Variants in PPARGC1A observed in about 807,000 individuals in gnomAD.
The protein encoded by PPARGC1A is PPARG coactivator 1 alpha.
PPARGC1A carries 25 observed loss-of-function variants against 88.7 expected under a neutral mutation model. The ratio of observed to expected loss-of-function variants is 0.28; its 90% CI spans 0.21 to 0.39. The LOEUF is 0.39. Among genes scored for constraint, PPARGC1A ranks in the 10% least tolerant of loss-of-function variants. The pLI is 1.00. For missense variants in PPARGC1A, 880 were observed against 968.7 expected (o/e 0.91, Z 1.22); for synonymous variants, 363 against 355.6 (o/e 1.02, Z -0.24).
the PPARGC1A span, among the ~76,000 whole-genome samples, chr4:24,383,458 C>T: frequency 3.9e-5 from 6 of 152,030 alleles, no homozygotes; most frequent in Admixed American, 1.3e-4. Flanking sequence ...TAACCCAATG[C>T]AAGGAAGCTA....
intron 1 of PPARGC1A, among the ~76,000 whole-genome samples, chr4:23,896,470 C>T (rs1459153616): frequency 6.6e-6 from 1 of 152,104 alleles, no homozygotes; most frequent in African/African-American, 2.4e-5. Context: ...CCAAGTCCAA[C>T]AGCTGCTCCA....
the PPARGC1A span, among the ~76,000 whole-genome samples, chr4:24,037,310 A>G: frequency 6.6e-6 from 1 of 152,212 alleles, no homozygotes; most frequent in Non-Finnish European, 1.5e-5. Flanking sequence ...TATTACTATT[A>G]TTAGATTCAT....
the PPARGC1A span, among the ~76,000 whole-genome samples, chr4:24,172,873 C>G: frequency 6.6e-6 from 1 of 152,188 alleles, no homozygotes; most frequent in African/African-American, 2.4e-5. Flanking sequence ...AAAGCCTCTT[C>G]AGTTTTTGCC....
At chr4:24,026,666 C>T in the PPARGC1A span, among the ~76,000 whole-genome samples, 3 of 152,140 alleles carry the variant, frequency 2.0e-5, no homozygotes, top group Non-Finnish European at 4.4e-5. Context: ...AGTTTTTAGA[C>T]ACACGCCTCC....
the PPARGC1A span, among the ~76,000 whole-genome samples, chr4:23,920,433 A>C: frequency 6.6e-6 from 1 of 152,286 alleles, no homozygotes; most frequent in African/African-American, 2.4e-5. Context: ...CTGTGGTCAA[A>C]ATTTCAATTT....
the PPARGC1A span, among the ~76,000 whole-genome samples, chr4:24,058,143 G>T: frequency 1.3e-5 from 2 of 152,162 alleles, no homozygotes; most frequent in African/African-American, 4.8e-5. Context: ...CGCCCCAGAG[G>T]GGTGGCCTGG....
At chr4:24,431,323 G>A in the PPARGC1A span, among the ~76,000 whole-genome samples, 1 of 152,106 alleles carries the variant, frequency 6.6e-6, no homozygotes, top group Admixed American at 6.5e-5. Flanking sequence ...AATAGAACAT[G>A]TTTGGGTGAT....
At chr4:24,075,077 A>C in the PPARGC1A span, among the ~76,000 whole-genome samples, 2 of 152,278 alleles carry the variant, frequency 1.3e-5, no homozygotes, top group East Asian at 3.9e-4. Flanking sequence ...TCCCTAGGGG[A>C]GAAGAAAAAT....
chr4:23,837,232 A>G (rs1284178046), intron 2 of PPARGC1A, among the ~76,000 whole-genome samples: 2 of 152,152 alleles, frequency 1.3e-5, no homozygotes, highest in Non-Finnish European at 2.9e-5. Context: ...ATCATTCATT[A>G]ATCAGTTTCA....
At chr4:23,994,779 C>A in the PPARGC1A span, among the ~76,000 whole-genome samples, 362 of 152,182 alleles carry the variant, frequency 2.4e-3, 1 homozygote, top group Non-Finnish European at 4.0e-3. Context: ...GCAGGAAGGA[C>A]CCCAAAGTCC....
At chr4:24,116,907 C>G in the PPARGC1A span, among the ~76,000 whole-genome samples, 28 of 152,168 alleles carry the variant, frequency 1.8e-4, no homozygotes, top group Non-Finnish European at 3.7e-4. Flanking sequence ...TCCTAATAAC[C>G]CTGGGGGAGT....
the PPARGC1A span, among the ~76,000 whole-genome samples, chr4:24,303,060 C>T: frequency 6.6e-6 from 1 of 152,174 alleles, no homozygotes; most frequent in South Asian, 2.1e-4. Flanking sequence ...CTGTGTGGAA[C>T]CACGGCCACC....
rs532554903 is a variant in PPARGC1A at position 23,794,013 on chromosome 4, T to TA, written c.*1808dup. ...AGTATTTATACAGGATGCATAACTG[T>TA]AAAAAATACAGATAAATACCATCGT... On this transcript the variant is annotated 3_prime_UTR_variant, in exon 13 of 13. Transcript: ENST00000264867. 3.9e-5 allele frequency: 6 copies of TA among 152,648 alleles called. No homozygotes were observed. The South Asian group carries it at 8.3e-4, about 21-fold the overall frequency. 9.5% of individuals were successfully genotyped at this position (152,648 alleles called of 1,614,324 possible). A position where few individuals can be genotyped will look rare whatever the true frequency, so the allele number is the denominator to read the frequency against.
At chr4:23,832,931 T>C (rs528603753) in intron 2 of PPARGC1A, among the ~76,000 whole-genome samples, 132 of 141,954 alleles carry the variant, frequency 9.3e-4, no homozygotes, top group South Asian at 3.1e-3. Flanking sequence ...TTATTTCTAA[T>C]AGTGGCTCCT....
the PPARGC1A span, among the ~76,000 whole-genome samples, chr4:23,928,985 T>C: frequency 2.0e-5 from 3 of 151,634 alleles, no homozygotes; most frequent in South Asian, 4.2e-4. Flanking sequence ...GGGGATGCGG[T>C]TGGGGGAGGG....
upstream of PPARGC1A, chr4:23,890,123 G>C (rs1194763631): frequency 1.7e-5 from 22 of 1,313,934 alleles, no homozygotes; most frequent in Non-Finnish European, 2.1e-5. Flanking sequence ...AGGCTGGGCT[G>C]TCACTCACCC....
At chr4:24,360,238 T>C in the PPARGC1A span, among the ~76,000 whole-genome samples, 1 of 152,182 alleles carries the variant, frequency 6.6e-6, no homozygotes, top group Non-Finnish European at 1.5e-5. Context: ...TCCACAAAAC[T>C]GGGGAAATGT....
At chr4:23,890,363 A>C, upstream of PPARGC1A, 1 of 166,982 alleles carries the variant, frequency 6.0e-6, no homozygotes, top group Non-Finnish European at 1.3e-5. Context: ...AATAACCAAA[A>C]TCCCCTGCAA....
the PPARGC1A span, among the ~76,000 whole-genome samples, chr4:23,963,590 A>G: frequency 6.6e-6 from 1 of 152,188 alleles, no homozygotes. Context: ...GTCTTTGTAG[A>G]GATGGAGAAA....
Sources: allele counts gnomAD v4.1 joint callset (sites outside exome capture counted in the v4.1 genomes callset), GRCh38; gene constraint gnomAD v4.1.1; transcripts MANE v1.5; gene names NCBI Gene and HGNC (gene_info 2026-07-23, HGNC 2026-07-21).